UBAP1: variants seen among roughly 807,000 people sequenced by gnomAD.
UBAP1 encodes ubiquitin associated protein 1.
Under a neutral mutation model 39.0 loss-of-function variants are expected in UBAP1, and 5 were observed. The observed-to-expected ratio is 0.13, with a 90% CI of 0.07 to 0.27. The LOEUF (loss-of-function observed/expected upper bound fraction) is 0.27, where lower values mean the gene tolerates loss of function less well. UBAP1 is among the 10% of genes least tolerant of loss of function. The probability of loss-of-function intolerance (pLI) is 1.00; values close to 1 mark genes in which losing one functional copy is unlikely to be tolerated. For missense variants in UBAP1, 490 were observed against 608.1 expected (o/e 0.81, Z 2.04); for synonymous variants, 211 against 225.1 (o/e 0.94, Z 0.56).
intron 1 of UBAP1, among the ~76,000 whole-genome samples, chr9:34,188,880 C>T (rs556963297): frequency 6.6e-6 from 1 of 152,130 alleles, no homozygotes; most frequent in South Asian, 2.1e-4. Flanking sequence ...TTGCTTGAAG[C>T]CGGGAGGCAG....
In UBAP1 at chr9:34,209,467, T is replaced by TG. The variant is rs1831899295; in HGVS notation, c.-7-11440dup. On this transcript the variant is annotated intron_variant, in intron 1 of 6. Coordinates refer to ENST00000297661, the MANE Select transcript of UBAP1 (RefSeq NM_016525.5). Reference sequence around the variant, plus strand: ...ATCATTTTTGCCTTTTGAGTGGTAATGCTATGTTATTTGGGGCAATTCAGT... The same window carrying TG: ...ATCATTTTTGCCTTTTGAGTGGTAATGGCTATGTTATTTGGGGCAATTCAGT... 3.9e-5 allele frequency among the ~76,000 whole-genome samples: 6 copies of TG among 152,352 alleles called. No homozygotes were observed. In the South Asian group the frequency reaches 1.0e-3, roughly 26 times the overall value.
intron 4 of UBAP1, among the ~76,000 whole-genome samples, chr9:34,242,322 G>GT (rs1350990222): frequency 1.3e-5 from 2 of 152,040 alleles, no homozygotes; most frequent in Admixed American, 6.6e-5. Context: ...TAATTTTTGT[G>GT]TTTTTTGTAG....
intron 1 of UBAP1, among the ~76,000 whole-genome samples, chr9:34,196,898 T>TGTG (rs1831095095): frequency 1.4e-5 from 2 of 141,320 alleles, no homozygotes; most frequent in Admixed American, 7.3e-5. Flanking sequence ...ATATTGTTAT[T>TGTG]TGTGTGTGTG....
chr9:34,182,673 T>C (rs57715449), intron 1 of UBAP1, among the ~76,000 whole-genome samples: 2,235 of 66,962 alleles, frequency 0.033, 73 homozygotes, highest in East Asian at 0.21. Context: ...CTTTCTTTCT[T>C]TCTTTCTTTC....
At chr9:34,208,903 C>T (rs988266603) in intron 1 of UBAP1, among the ~76,000 whole-genome samples, 5 of 151,586 alleles carry the variant, frequency 3.3e-5, no homozygotes, top group African/African-American at 1.2e-4. Context: ...TGGAGTGAGC[C>T]GAGATCAAGC....
intron 2 of UBAP1, among the ~76,000 whole-genome samples, chr9:34,227,394 A>C (rs1833160620): frequency 6.6e-6 from 1 of 152,028 alleles, no homozygotes; most frequent in Non-Finnish European, 1.5e-5. Context: ...ACAGATTTTC[A>C]CTTAATTTTA....
chr9:34,184,403 G>A (rs1184825711), intron 1 of UBAP1, among the ~76,000 whole-genome samples: 1 of 151,118 alleles, frequency 6.6e-6, no homozygotes, highest in Non-Finnish European at 1.5e-5. Context: ...AGGCCGAGGC[G>A]GGCGGATCAC....
intron 3 of UBAP1, among the ~76,000 whole-genome samples, chr9:34,237,550 C>T (rs568010432): frequency 2.0e-5 from 3 of 152,176 alleles, no homozygotes; most frequent in Non-Finnish European, 2.9e-5. Flanking sequence ...ATGAAATTTA[C>T]CTTTTTTTAA....
At chr9:34,246,062 A>G (rs1318728093) in intron 4 of UBAP1, among the ~76,000 whole-genome samples, 1 of 152,124 alleles carries the variant, frequency 6.6e-6, no homozygotes, top group Non-Finnish European at 1.5e-5. Context: ...TGCTTTAAAG[A>G]TGAATACAGT....
intron 2 of UBAP1, among the ~76,000 whole-genome samples, chr9:34,230,257 G>A (rs937836478): frequency 6.6e-6 from 1 of 151,448 alleles, no homozygotes; most frequent in Non-Finnish European, 1.5e-5. Context: ...GTAGAGACGG[G>A]GTTTCACCAT....
In UBAP1 at chr9:34,241,688, A is replaced by C; in HGVS notation, c.663A>C (p.Ala221=). 6.2e-7 allele frequency: 1 copy of C among 1,614,024 alleles called. No individual in the cohort carries two copies. Among genetic ancestry groups the C allele is most frequent in the South Asian group, 1.1e-5 (1 of 91,074 alleles). The change falls in exon 4 of 7, where the codon GCA becomes GCC. Residue 221 remains alanine (A), a synonymous_variant. Coordinates refer to ENST00000297661, the MANE Select transcript of UBAP1 (RefSeq NM_016525.5). Reference sequence around the variant, plus strand: ...AGGTCCTGGCATCCTTGGAACGGGCAACCCTAGATTTCAAGCCTCTTCATA... The same window carrying C: ...AGGTCCTGGCATCCTTGGAACGGGCCACCCTAGATTTCAAGCCTCTTCATA... ...DEEVLASLER[A]TLDFKPLHKP...
At chr9:34,247,995 C>T (rs536626144) in intron 4 of UBAP1, among the ~76,000 whole-genome samples, 3 of 152,196 alleles carry the variant, frequency 2.0e-5, no homozygotes, top group Admixed American at 2.0e-4. Context: ...AACATTTCCA[C>T]CAGTAGGGTA....
intron 1 of UBAP1, among the ~76,000 whole-genome samples, chr9:34,198,770 A>G (rs1371734902): frequency 6.6e-6 from 1 of 152,162 alleles, no homozygotes; most frequent in Non-Finnish European, 1.5e-5. Flanking sequence ...AAGCTGGGAA[A>G]GTTGGGGAAG....
In UBAP1 at chr9:34,217,297, C is replaced by T. The variant is rs955411558; in HGVS notation, c.-7-3611C>T. Among the ~76,000 whole-genome samples the T allele has an allele frequency of 9.9e-5, 15 of 152,098 alleles. 1 individual carries two copies. The highest frequency in any genetic ancestry group is 3.6e-4 in the African/African-American group (15 of 41,424). ...TGTTGCCCAAGCTGGAGTGCAGTGG[C>T]ATGATCTCAGCTCACTGCAGCCTCT... is the stretch of plus-strand genomic sequence containing the variant. On this transcript the variant is annotated intron_variant, in intron 1 of 6. Transcript: ENST00000297661.
At chr9:34,190,412 C>T (rs1320487108) in intron 1 of UBAP1, among the ~76,000 whole-genome samples, 1 of 152,212 alleles carries the variant, frequency 6.6e-6, no homozygotes. Context: ...GCCTCAGCCT[C>T]CTGAGTAGCT....
chr9:34,194,561 G>C (rs1830915896), intron 1 of UBAP1, among the ~76,000 whole-genome samples: 1 of 152,092 alleles, frequency 6.6e-6, no homozygotes, highest in Non-Finnish European at 1.5e-5. Context: ...TGATCCTCCT[G>C]CCTCGGCCTC....
intron 1 of UBAP1, among the ~76,000 whole-genome samples, chr9:34,180,778 C>T (rs932941352): frequency 6.6e-6 from 1 of 150,792 alleles, no homozygotes; most frequent in South Asian, 2.1e-4. Flanking sequence ...CCTGCTAGAA[C>T]CTCATTGGAA....
At chr9:34,248,227 G>T (rs756511631) in intron 4 of UBAP1, among the ~76,000 whole-genome samples, 3 of 151,948 alleles carry the variant, frequency 2.0e-5, no homozygotes, top group Non-Finnish European at 1.5e-5. Flanking sequence ...GTAGAGATGG[G>T]GTTTCACTAT....
intron 4 of UBAP1, among the ~76,000 whole-genome samples, chr9:34,246,225 C>G (rs924445226): frequency 2.6e-5 from 4 of 152,166 alleles, no homozygotes; most frequent in South Asian, 2.1e-4. Flanking sequence ...TGCCACCACA[C>G]CTGGCTAACT....
Sources: allele counts gnomAD v4.1 joint callset (sites outside exome capture counted in the v4.1 genomes callset), GRCh38; gene constraint gnomAD v4.1.1; transcripts MANE v1.5; gene names NCBI Gene and HGNC (gene_info 2026-07-23, HGNC 2026-07-21).